Variants in PREX2 observed in about 807,000 individuals in gnomAD.
PREX2 encodes phosphatidylinositol 3,4,5-trisphosphate-dependent Rac exchanger 2 protein.
A neutral mutation model predicts 203.2 loss-of-function variants in PREX2; 107 were observed. That is an observed-to-expected ratio of 0.53 (90% CI 0.45 to 0.62). The LOEUF is 0.62. Among genes scored for constraint, PREX2 ranks in the 20% least tolerant of loss-of-function variants. The probability of loss-of-function intolerance (pLI) is 0.00; values close to 1 mark genes in which losing one functional copy is unlikely to be tolerated. For missense variants in PREX2, 1,777 were observed against 1,955.9 expected (o/e 0.91, Z 1.72); for synonymous variants, 672 against 663.6 (o/e 1.01, Z -0.19).
intron 1 of PREX2, among the ~76,000 whole-genome samples, chr8:67,957,497 C>T (rs1258979870): frequency 1.3e-5 from 2 of 152,160 alleles, no homozygotes; most frequent in African/African-American, 2.4e-5. Context: ...CATGGCTCAA[C>T]CTTTCTCAGA....
chr8:68,193,380 G>T (rs1400745357), intron 37 of PREX2, among the ~76,000 whole-genome samples: 1 of 152,094 alleles, frequency 6.6e-6, no homozygotes, highest in Admixed American at 6.6e-5. Flanking sequence ...TGTTACATAG[G>T]TATACATGTG....
intron 1 of PREX2, among the ~76,000 whole-genome samples, chr8:67,953,960 C>A (rs1301028146): frequency 6.6e-6 from 1 of 152,178 alleles, no homozygotes. Context: ...GAATCTGAGT[C>A]ATTTCTTACA....
chr8:67,985,630 A>G (rs1228409004), intron 1 of PREX2, among the ~76,000 whole-genome samples: 2 of 152,190 alleles, frequency 1.3e-5, no homozygotes, highest in South Asian at 2.1e-4. Context: ...CTCATTGTTA[A>G]GTAGGGCAGC....
chr8:68,067,628 A>C (rs563941159), intron 11 of PREX2, among the ~76,000 whole-genome samples: 1 of 152,026 alleles, frequency 6.6e-6, no homozygotes, highest in South Asian at 2.1e-4. Flanking sequence ...TTTTGGTGGA[A>C]GTTATATGGT....
Position 68,233,794 on chromosome 8 carries a change from A to G in PREX2, c.*2416A>G, listed in dbSNP as rs1469071877. ...AGTCACATGATTGACAAGGGGTAGA[A>G]CCAAAATTTGAACCCAGGAAGTCTG... is the stretch of plus-strand genomic sequence containing the variant. On this transcript the variant is annotated 3_prime_UTR_variant, in exon 40 of 40. Coordinates refer to ENST00000288368, the MANE Select transcript of PREX2 (RefSeq NM_024870.4). The G allele has an allele frequency of 6.6e-6, 1 of 152,216 alleles. No individual in the cohort carries two copies. The highest frequency in any genetic ancestry group is 1.9e-4 in the East Asian group (1 of 5,198). 9.4% of individuals were successfully genotyped at this position (152,216 alleles called of 1,614,324 possible).
In PREX2 at chr8:68,027,271, G is replaced by T; in HGVS notation, c.491G>T (p.Gly164Val). ...GRKNTDVPLE[G>V]YLVTPIQRIC... ...AAGAACACAGATGTTCCCTTGGAAG[G>T]ATATTTAGTAACACCAATACAAAGA... The change falls in exon 5 of 40, where the codon GGA becomes GTA. Residue 164 changes from glycine to valine, a missense_variant. Coordinates refer to ENST00000288368, the MANE Select transcript of PREX2 (RefSeq NM_024870.4). The T allele has an allele frequency of 6.2e-7, 1 of 1,612,360 alleles. No homozygotes were observed. Among genetic ancestry groups the T allele is most frequent in the Non-Finnish European group, 8.5e-7 (1 of 1,178,698 alleles).
At chr8:68,109,117 C>T in intron 24 of PREX2, 1 of 442,000 alleles carries the variant, frequency 2.3e-6, no homozygotes, top group Non-Finnish European at 4.2e-6. Context: ...GGAATAAGTT[C>T]AAGAGATATA....
At chr8:68,183,259 A>G (rs1812121249) in intron 35 of PREX2, among the ~76,000 whole-genome samples, 1 of 152,158 alleles carries the variant, frequency 6.6e-6, no homozygotes, top group South Asian at 2.1e-4. Flanking sequence ...CAACCCATGA[A>G]CTTGCTATTC....
At chr8:68,011,889 C>A (rs1360549627) in intron 1 of PREX2, among the ~76,000 whole-genome samples, 3 of 152,116 alleles carry the variant, frequency 2.0e-5, no homozygotes, top group African/African-American at 7.2e-5. Flanking sequence ...TTAAGAAATT[C>A]ACAAAAACAC....
intron 37 of PREX2, among the ~76,000 whole-genome samples, chr8:68,207,721 G>A (rs922482396): frequency 1.4e-4 from 22 of 152,070 alleles, no homozygotes; most frequent in African/African-American, 5.3e-4. Flanking sequence ...AATTTACAGA[G>A]GAGGAAACAG....
chr8:68,142,757 TA>T (rs1323866806), intron 33 of PREX2, among the ~76,000 whole-genome samples: 1 of 152,148 alleles, frequency 6.6e-6, no homozygotes, highest in Non-Finnish European at 1.5e-5. Context: ...TACAAAGGCA[TA>T]AATGGGCAAT....
intron 1 of PREX2, among the ~76,000 whole-genome samples, chr8:67,959,166 A>C (rs371409958): frequency 2.0e-5 from 3 of 152,190 alleles, no homozygotes; most frequent in Admixed American, 2.0e-4. Flanking sequence ...TGAAACAAAG[A>C]ACTAGGAGAA....
chr8:67,987,792 A>C (rs1245160565), intron 1 of PREX2, among the ~76,000 whole-genome samples: 1 of 152,136 alleles, frequency 6.6e-6, no homozygotes, highest in Non-Finnish European at 1.5e-5. Context: ...AGTTCCATTT[A>C]ATATCTTCCT....
At chr8:68,230,432 G>C (rs1445871542) in intron 39 of PREX2, among the ~76,000 whole-genome samples, 1 of 152,156 alleles carries the variant, frequency 6.6e-6, no homozygotes, top group South Asian at 2.1e-4. Context: ...GCTGTTTAGA[G>C]AACAGGCATA....
At chr8:68,091,754 T>C (rs1368973102) in intron 20 of PREX2, among the ~76,000 whole-genome samples, 2 of 152,244 alleles carry the variant, frequency 1.3e-5, no homozygotes, top group Admixed American at 1.3e-4. Flanking sequence ...ATCTTTTCTC[T>C]TCTACCAGAA....
chr8:67,979,643 C>T (rs1806209620), intron 1 of PREX2, among the ~76,000 whole-genome samples: 1 of 152,174 alleles, frequency 6.6e-6, no homozygotes, highest in South Asian at 2.1e-4. Flanking sequence ...TGGTTGTTAA[C>T]TCTGAAGAAT....
intron 26 of PREX2, 66 bp downstream of exon 26, chr8:68,115,998 A>G: frequency 7.2e-7 from 1 of 1,398,126 alleles, no homozygotes; most frequent in East Asian, 2.4e-5. Context: ...ATTTTCCACA[A>G]AGATCTTGAA....
intron 37 of PREX2, among the ~76,000 whole-genome samples, chr8:68,197,421 C>T (rs1812419185): frequency 6.6e-6 from 1 of 152,096 alleles, no homozygotes; most frequent in South Asian, 2.1e-4. Context: ...CAAAAGGTGC[C>T]TGCTTCTCTT....
At chr8:68,114,385 G>A (rs1401684023) in intron 25 of PREX2, 1 of 472,022 alleles carries the variant, frequency 2.1e-6, no homozygotes, top group Non-Finnish European at 4.3e-6. Flanking sequence ...CTACTGATTG[G>A]AACTGAAAAT....
Sources: gnomAD v4.1 joint callset for allele counts (sites outside exome capture counted in the v4.1 genomes callset) on GRCh38, gnomAD v4.1.1 for gene constraint, MANE v1.5 for transcripts, NCBI Gene and HGNC (gene_info 2026-07-23, HGNC 2026-07-21) for gene names.